Variants in PRR16 observed in about 807,000 individuals in gnomAD.
The protein encoded by PRR16 is protein Largen.
PRR16 carries 6 observed loss-of-function variants against 18.2 expected under a neutral mutation model. The observed-to-expected ratio is 0.33, with a 90% CI of 0.18 to 0.65. The LOEUF (loss-of-function observed/expected upper bound fraction) is 0.65. PRR16 is among the 30% of genes least tolerant of loss of function. PRR16 has a pLI of 0.74. For synonymous variants in PRR16, 151 were observed against 147.8 expected, an observed-to-expected ratio of 1.02 and a Z score of -0.16; for missense variants, 412 against 376.6, an observed-to-expected ratio of 1.09 and a Z score of -0.78.
intron 1 of PRR16, among the ~76,000 whole-genome samples, chr5:120,640,212 A>C (rs1755374809): frequency 6.6e-6 from 1 of 152,082 alleles, no homozygotes; most frequent in African/African-American, 2.4e-5. Context: ...CAATACCCAG[A>C]TGACAGGATC....
intron 1 of PRR16, among the ~76,000 whole-genome samples, chr5:120,666,458 C>G (rs1341841282): frequency 6.6e-6 from 1 of 151,092 alleles, no homozygotes; most frequent in East Asian, 2.0e-4. Flanking sequence ...ATTTCCTTCT[C>G]CTGCCTAATT....
intron 1 of PRR16, among the ~76,000 whole-genome samples, chr5:120,520,287 C>T (rs1561528375): frequency 6.6e-6 from 1 of 152,166 alleles, no homozygotes; most frequent in Non-Finnish European, 1.5e-5. Flanking sequence ...CCCAGCTACT[C>T]AGGAGGCTGA....
At chr5:120,487,712 C>T (rs1463659084) in intron 1 of PRR16, among the ~76,000 whole-genome samples, 5 of 152,160 alleles carry the variant, frequency 3.3e-5, no homozygotes, top group African/African-American at 4.8e-5. Context: ...GAGAGGGCAT[C>T]CCTGTCTTGT....
intron 1 of PRR16, among the ~76,000 whole-genome samples, chr5:120,469,953 G>A (rs1749215699): frequency 6.6e-6 from 1 of 152,078 alleles, no homozygotes; most frequent in African/African-American, 2.4e-5. Context: ...TGTGTTTCAG[G>A]CAACAGTGAA....
chr5:120,729,219 G>C, the PRR16 span, among the ~76,000 whole-genome samples: 1 of 152,056 alleles, frequency 6.6e-6, no homozygotes, highest in South Asian at 2.1e-4. Context: ...TTTTTTTATA[G>C]CTAAACAAAG....
At chr5:120,735,865 T>C in the PRR16 span, among the ~76,000 whole-genome samples, 1 of 152,206 alleles carries the variant, frequency 6.6e-6, no homozygotes, top group Non-Finnish European at 1.5e-5. Context: ...TCATTGCCTG[T>C]GTTTTTGTGT....
the PRR16 span, among the ~76,000 whole-genome samples, chr5:120,787,642 G>A: frequency 6.6e-6 from 1 of 152,032 alleles, no homozygotes; most frequent in African/African-American, 2.4e-5. Context: ...TCTTAATTTA[G>A]GAAGAAGGAA....
the PRR16 span, among the ~76,000 whole-genome samples, chr5:120,713,950 C>T: frequency 6.6e-6 from 1 of 151,940 alleles, no homozygotes; most frequent in Non-Finnish European, 1.5e-5. Context: ...AAAACTGTTC[C>T]CTGTTCAAAG....
chr5:120,585,819 C>T (rs1753422276), intron 1 of PRR16, among the ~76,000 whole-genome samples: 1 of 151,786 alleles, frequency 6.6e-6, no homozygotes, highest in African/African-American at 2.4e-5. Flanking sequence ...AAGGTATTAC[C>T]TTCATTTCCA....
At chr5:120,585,550 T>G (rs1055403400) in intron 1 of PRR16, among the ~76,000 whole-genome samples, 2 of 151,542 alleles carry the variant, frequency 1.3e-5, no homozygotes, top group African/African-American at 4.9e-5. Context: ...ACCCAGGAAT[T>G]GGAGGATGCA....
the PRR16 span, among the ~76,000 whole-genome samples, chr5:120,744,326 C>G: frequency 6.6e-6 from 1 of 152,136 alleles, no homozygotes; most frequent in African/African-American, 2.4e-5. Flanking sequence ...GAAAAGGGAC[C>G]CTTTACGTTT....
intron 1 of PRR16, among the ~76,000 whole-genome samples, chr5:120,483,969 C>T (rs971010586): frequency 1.3e-5 from 2 of 151,920 alleles, no homozygotes; most frequent in Admixed American, 6.6e-5. Flanking sequence ...AATTTTCAGC[C>T]TATAGTAGAT....
the PRR16 span, among the ~76,000 whole-genome samples, chr5:120,707,881 G>A: frequency 6.6e-6 from 1 of 152,206 alleles, no homozygotes; most frequent in African/African-American, 2.4e-5. Context: ...AATGAGGCTT[G>A]TCAGCTGGGA....
intron 1 of PRR16, among the ~76,000 whole-genome samples, chr5:120,591,423 T>C (rs2168217): frequency 0.66 from 100,305 of 151,734 alleles, 34,594 homozygotes; most frequent in East Asian, 0.85. Flanking sequence ...AATCATTATA[T>C]TAGAGAGTAT....
At chr5:120,493,901 A>T (rs1264353734) in intron 1 of PRR16, among the ~76,000 whole-genome samples, 2 of 152,094 alleles carry the variant, frequency 1.3e-5, no homozygotes, top group Admixed American at 6.6e-5. Flanking sequence ...TTTCCATGGT[A>T]TAGATGTACC....
chr5:120,569,210 G>T (rs1223844808), intron 1 of PRR16, among the ~76,000 whole-genome samples: 1 of 151,940 alleles, frequency 6.6e-6, no homozygotes, highest in African/African-American at 2.4e-5. Flanking sequence ...TTACTGTATC[G>T]TCTGTAAGTA....
intron 1 of PRR16, among the ~76,000 whole-genome samples, chr5:120,480,712 G>A (rs1346726954): frequency 6.6e-6 from 1 of 152,202 alleles, no homozygotes; most frequent in Non-Finnish European, 1.5e-5. Flanking sequence ...GAGTTGCAGA[G>A]AGCAAGGAAA....
At chr5:120,543,939 T>C (rs1289311205) in intron 1 of PRR16, among the ~76,000 whole-genome samples, 1 of 152,180 alleles carries the variant, frequency 6.6e-6, no homozygotes, top group East Asian at 1.9e-4. Flanking sequence ...GTGTTGGCTT[T>C]ACAGATGGAT....
chr5:120,477,859 C>G (rs1160058440), intron 1 of PRR16, among the ~76,000 whole-genome samples: 1 of 152,176 alleles, frequency 6.6e-6, no homozygotes, highest in Non-Finnish European at 1.5e-5. Context: ...ACGCCTATAT[C>G]CCCACCTGAG....
Sources: allele counts gnomAD v4.1 joint callset (sites outside exome capture counted in the v4.1 genomes callset), GRCh38; gene constraint gnomAD v4.1.1; transcripts MANE v1.5; gene names NCBI Gene and HGNC (gene_info 2026-07-23, HGNC 2026-07-21).